GABRB1: variants seen among roughly 807,000 people sequenced by gnomAD.
GABRB1 encodes the protein gamma-aminobutyric acid receptor subunit beta-1.
Under a neutral mutation model 51.6 loss-of-function variants are expected in GABRB1, and 17 were observed. The observed-to-expected ratio is 0.33, with a 90% confidence interval of 0.23 to 0.49. The LOEUF (loss-of-function observed/expected upper bound fraction) is 0.49. Ranked by LOEUF, GABRB1 falls within the 20% of genes least tolerant of loss-of-function variation. GABRB1 has a pLI of 0.99. For synonymous variants in GABRB1, 247 were observed against 218.9 expected, an observed-to-expected ratio of 1.13 and a Z score of -1.14; for missense variants, 410 against 600.6, an observed-to-expected ratio of 0.68 and a Z score of 3.32.
intron 3 of GABRB1, among the ~76,000 whole-genome samples, chr4:47,071,990 T>C (rs748213437): frequency 1.3e-5 from 2 of 151,218 alleles, no homozygotes; most frequent in East Asian, 3.9e-4. Context: ...TAAACAACTC[T>C]ATGATTTACA....
chr4:47,343,642 GA>G (rs1725983496), intron 5 of GABRB1, among the ~76,000 whole-genome samples: 1 of 152,154 alleles, frequency 6.6e-6, no homozygotes, highest in South Asian at 2.1e-4. Context: ...GAGAATGACT[GA>G]TGGACCCTGG....
At chr4:47,258,259 T>G (rs1163683224) in intron 4 of GABRB1, among the ~76,000 whole-genome samples, 1 of 152,164 alleles carries the variant, frequency 6.6e-6, no homozygotes, top group Non-Finnish European at 1.5e-5. Context: ...CAGAACTGAT[T>G]AGAATTTTTA....
intron 3 of GABRB1, among the ~76,000 whole-genome samples, chr4:47,095,618 C>T (rs770770762): frequency 1.3e-5 from 2 of 152,308 alleles, no homozygotes; most frequent in Non-Finnish European, 2.9e-5. Context: ...TTGATTCATA[C>T]GATCTTTTAA....
intron 3 of GABRB1, among the ~76,000 whole-genome samples, chr4:47,061,639 C>T (rs1280086358): frequency 6.6e-6 from 1 of 152,060 alleles, no homozygotes; most frequent in African/African-American, 2.4e-5. Context: ...GTGAGCAACG[C>T]AAAGTTCAAA....
At chr4:47,320,770 C>T (rs7440302) in intron 5 of GABRB1, among the ~76,000 whole-genome samples, 12,684 of 104,860 alleles carry the variant, frequency 0.12, 948 homozygotes, top group East Asian at 0.33. Flanking sequence ...TTTCTTTTTT[C>T]TTTTTTTTTT....
intron 5 of GABRB1, among the ~76,000 whole-genome samples, chr4:47,370,682 T>G (rs1488018386): frequency 6.6e-6 from 1 of 152,178 alleles, no homozygotes; most frequent in Non-Finnish European, 1.5e-5. Context: ...GTGCTCAATG[T>G]GAGTAACCAT....
chr4:47,045,679 G>C (rs1726052545), intron 3 of GABRB1, among the ~76,000 whole-genome samples: 1 of 151,964 alleles, frequency 6.6e-6, no homozygotes, highest in Non-Finnish European at 1.5e-5. Context: ...AAGTGGTGAG[G>C]GAGTTTACTG....
intron 4 of GABRB1, among the ~76,000 whole-genome samples, chr4:47,174,097 A>T (rs976236694): frequency 6.6e-6 from 1 of 150,920 alleles, no homozygotes; most frequent in East Asian, 2.0e-4. Flanking sequence ...ACAGTATTTC[A>T]CTCTGTTGCC....
intron 1 of GABRB1, among the ~76,000 whole-genome samples, chr4:47,002,147 G>T (rs1309219421): frequency 1.3e-5 from 2 of 152,072 alleles, no homozygotes; most frequent in South Asian, 2.1e-4. Context: ...AGAGATTTTG[G>T]AGACAACAAA....
intron 4 of GABRB1, among the ~76,000 whole-genome samples, chr4:47,292,670 G>A (rs1723794355): frequency 1.3e-5 from 2 of 152,140 alleles, no homozygotes; most frequent in African/African-American, 2.4e-5. Context: ...TTGCAGACTG[G>A]GTAATTTATT....
At chr4:47,138,841 T>C (rs1716791058) in intron 3 of GABRB1, among the ~76,000 whole-genome samples, 1 of 151,962 alleles carries the variant, frequency 6.6e-6, no homozygotes, top group South Asian at 2.1e-4. Context: ...GTTATTAGAG[T>C]GGGTAAATTT....
chr4:47,083,989 A>G (rs1464163847), intron 3 of GABRB1, among the ~76,000 whole-genome samples: 2 of 152,154 alleles, frequency 1.3e-5, no homozygotes, highest in East Asian at 3.9e-4. Context: ...CCAAAGGAAA[A>G]AATATCTGTA....
At chr4:47,160,400 C>T (rs1036585355) in intron 3 of GABRB1, among the ~76,000 whole-genome samples, 2 of 152,146 alleles carry the variant, frequency 1.3e-5, no homozygotes, top group African/African-American at 2.4e-5. Context: ...AGGACTCATC[C>T]ATCGATAAGT....
intron 3 of GABRB1, among the ~76,000 whole-genome samples, chr4:47,127,537 T>G (rs1716211380): frequency 1.3e-5 from 2 of 151,892 alleles, no homozygotes; most frequent in Admixed American, 1.3e-4. Flanking sequence ...TCACTTTTTT[T>G]TTTGTGATTT....
chr4:47,266,048 T>G (rs1411846146), intron 4 of GABRB1, among the ~76,000 whole-genome samples: 2 of 152,176 alleles, frequency 1.3e-5, no homozygotes, highest in African/African-American at 4.8e-5. Context: ...TTTCCAAGAT[T>G]TTCTTCTACA....
chr4:47,003,224 A>G (rs1430032138), intron 1 of GABRB1, among the ~76,000 whole-genome samples: 3 of 151,988 alleles, frequency 2.0e-5, no homozygotes, highest in African/African-American at 7.2e-5. Flanking sequence ...AAACACTTAC[A>G]TATCTTTAAA....
At chr4:47,230,834 A>G (rs1186693079) in intron 4 of GABRB1, among the ~76,000 whole-genome samples, 2 of 152,174 alleles carry the variant, frequency 1.3e-5, no homozygotes, top group Admixed American at 1.3e-4. Flanking sequence ...AAGACCCTCA[A>G]ATAGGTGTCC....
At chr4:47,412,050 C>T (rs189682333) in intron 8 of GABRB1, among the ~76,000 whole-genome samples, 1 of 152,324 alleles carries the variant, frequency 6.6e-6, no homozygotes, top group Admixed American at 6.5e-5. Context: ...TTAATAGACA[C>T]TCTCACTCTT....
chr4:47,258,296 A>C (rs2109873574), intron 4 of GABRB1, among the ~76,000 whole-genome samples: 1 of 152,298 alleles, frequency 6.6e-6, no homozygotes, highest in South Asian at 2.1e-4. Context: ...GGGTACTATC[A>C]TAGCCAAGAT....
Sources: gnomAD v4.1 joint callset for allele counts (sites outside exome capture counted in the v4.1 genomes callset) on GRCh38, gnomAD v4.1.1 for gene constraint, MANE v1.5 for transcripts, NCBI Gene and HGNC (gene_info 2026-07-23, HGNC 2026-07-21) for gene names.